SLC25A34: variants seen among roughly 807,000 people sequenced by gnomAD.
SLC25A34 encodes the protein solute carrier family 25, member 34.
In SLC25A34, 26 loss-of-function variants were observed where a neutral mutation model predicts 28.1. That is an observed-to-expected ratio of 0.93 (90% CI 0.68 to 1.28). The LOEUF is 1.28. SLC25A34 is among the 50% of genes most tolerant of loss of function. SLC25A34 has a pLI of 0.00. For missense variants in SLC25A34, 384 were observed against 409.8 expected, an observed-to-expected ratio of 0.94 and a Z score of 0.54; for synonymous variants, 182 against 182.2, an observed-to-expected ratio of 1.00 and a Z score of 0.01.
At chr1:15,737,643 T>C in intron 1 of SLC25A34, 1 of 461,468 alleles carries the variant, frequency 2.2e-6, no homozygotes, top group Non-Finnish European at 3.8e-6. Flanking sequence ...TGGCTGGTGC[T>C]GGAGGATCAT....
chr1:15,736,736 A>G lies in SLC25A34; in HGVS notation c.251A>G (p.Asn84Ser), dbSNP rs1451138122. Residue 84 changes from asparagine to serine, a missense_variant, in exon 1 of 5, where the codon AAT (asparagine) becomes AGT (serine). By Grantham distance (46) the Asn-to-Ser change is conservative. Transcript: ENST00000294454. ...AAGLLYQGLM[N>S]GVRFYCYSLA... Reference sequence around the variant, plus strand: ...GGCCTTCTGTACCAAGGCCTCATGAATGGCGTTCGTTTCTACTGCTACAGC... The same window carrying G: ...GGCCTTCTGTACCAAGGCCTCATGAGTGGCGTTCGTTTCTACTGCTACAGC... 6.2e-7 allele frequency: 1 copy of G among 1,609,392 alleles called. No individual in the cohort carries two copies. Among genetic ancestry groups the G allele is most frequent in the South Asian group, 1.1e-5 (1 of 90,960 alleles).
chr1:15,738,157 T>C lies in SLC25A34; in HGVS notation c.509T>C (p.Val170Ala). 1 of 1,607,662 alleles carries C rather than the reference T, an allele frequency of 6.2e-7. No individual in the cohort carries two copies. The highest frequency in any genetic ancestry group is 8.5e-7 in the Non-Finnish European group (1 of 1,176,420). ...GGGCTCTTGGGGCTGTGGCAGGGCG[T>C]TGGTGGGGCTGTGCCCCGAGTCATG... ...QQGLLGLWQG[V>A]GGAVPRVMVG... is the part of the protein sequence containing the mutation. Residue 170 changes from valine to alanine, a missense_variant, in exon 3 of 5, where the codon GTT (valine) becomes GCT (alanine). Val to Ala is a moderately conservative substitution (Grantham distance 64). Transcript: ENST00000294454.
chr1:15,736,985 G>A (rs2068231580), intron 1 of SLC25A34, 122 bp downstream of exon 1: 1 of 1,310,656 alleles, frequency 7.6e-7, no homozygotes, highest in Non-Finnish European at 1.0e-6. Context: ...CCGGGGTGGG[G>A]CTGCTCCCTG....
Position 15,738,079 on chromosome 1 carries a change from C to T in SLC25A34, c.445-14C>T. ...GGCAGGGGTGGCCAGTGACCCCGTG[C>T]CCTCTCCCCACAGACTGTCCTGGGT... On this transcript the variant is annotated splice_polypyrimidine_tract_variant and intron_variant, in intron 2 of 4. Coordinates refer to ENST00000294454, the MANE Select transcript of SLC25A34 (RefSeq NM_207348.3). 4 of 1,610,918 alleles carry T rather than the reference C, an allele frequency of 2.5e-6. No homozygotes were observed. Among genetic ancestry groups the T allele is most frequent in the Non-Finnish European group, 3.4e-6 (4 of 1,178,270 alleles).
In SLC25A34 at chr1:15,736,821, G is replaced by A. The variant is rs2068229788; in HGVS notation, c.336G>A (p.Val112=). The change falls in exon 1 of 5, where the codon GTG becomes GTA. Residue 112 remains valine (V), a synonymous_variant. Transcript: ENST00000294454. ...QPGGTVVAGA[V]AGALGAFVGS... is the part of the protein sequence containing the mutation. ...GTGGCACCGTGGTTGCGGGAGCCGT[G>A]GCGGGGGCACTGGGAGCCTTCGTGG... is the stretch of plus-strand genomic sequence containing the variant. 8.2e-6 allele frequency: 13 copies of A among 1,593,166 alleles called. No individual in the cohort carries two copies. The highest frequency in any genetic ancestry group is 1.1e-5 in the Non-Finnish European group (13 of 1,173,054).
intron 1 of SLC25A34, 169 bp downstream of exon 1, chr1:15,737,032 C>A: frequency 2.1e-6 from 2 of 969,620 alleles, no homozygotes; most frequent in Non-Finnish European, 2.9e-6. Context: ...TGCCCCTTGG[C>A]CCAGGGCCTT....
Position 15,737,789 on chromosome 1 carries a change from A to G in SLC25A34, c.379-140A>G, listed in dbSNP as rs964577426. The G allele has an allele frequency of 9.1e-6, 8 of 883,172 alleles. No homozygotes were observed. In the South Asian group the frequency reaches 9.8e-5, roughly 11 times the overall value. 54.7% of individuals were successfully genotyped at this position (883,172 alleles called of 1,614,324 possible). The stretch of plus-strand genomic sequence containing the variant: ...CAGAGCTGCACCTCAACCCTATTTC[A>G]CTTGACCCCTAAGCTTCAGGCTCGG... On this transcript the variant is annotated intron_variant, in intron 1 of 4. Transcript: ENST00000294454.
chr1:15,736,462 CAGA>C lies in SLC25A34; in HGVS notation c.-21_-19del. 1 of 1,429,718 alleles carries C rather than the reference CAGA, an allele frequency of 7.0e-7. No individual in the cohort carries two copies. Among genetic ancestry groups the C allele is most frequent in the South Asian group, 1.5e-5 (1 of 65,120 alleles). The allele number at this position is 1,429,718 out of a possible 1,614,324, so 88.6% of individuals were successfully genotyped here. A position where few individuals can be genotyped will look rare whatever the true frequency, so the allele number is the denominator to read the frequency against. On this transcript the variant is annotated 5_prime_UTR_variant, in exon 1 of 5. Coordinates refer to ENST00000294454, the MANE Select transcript of SLC25A34 (RefSeq NM_207348.3). ...CTGTGCCGTGCCCCTGACCCGGGCA[CAGA>C]AGGCCACTGGCCCGGAGGCCATGGA...
Position 15,739,772 on chromosome 1 carries a change from C to T in SLC25A34, c.*366C>T, listed in dbSNP as rs767182824. On this transcript the variant is annotated 3_prime_UTR_variant, in exon 5 of 5. Transcript: ENST00000294454. ...CTCAGACAGCAGCACGAGGCAGGCA[C>T]TTTTACTTCTTTTACCATTAGAAAG... The T allele has an allele frequency of 7.9e-5, 14 of 177,698 alleles. No individual in the cohort carries two copies. The highest frequency in any genetic ancestry group is 1.4e-4 in the Non-Finnish European group (12 of 85,480). The allele number at this position is 177,698 out of a possible 1,614,324, so 11.0% of individuals were successfully genotyped here.
chr1:15,739,049 G>T, intron 4 of SLC25A34, 175 bp from the exon 5 acceptor site: 1 of 800,950 alleles, frequency 1.2e-6, no homozygotes, highest in Middle Eastern at 3.4e-4. Context: ...GCCAGAACTG[G>T]AATTCAGGCC....
chr1:15,738,374 C>T (rs1036185476), intron 3 of SLC25A34, 129 bp downstream of exon 3: 14 of 1,357,168 alleles, frequency 1.0e-5, no homozygotes, highest in Admixed American at 8.6e-5. Context: ...CCCTCAGAGT[C>T]GTGACTCCGG....
intron 4 of SLC25A34, chr1:15,738,980 G>A (rs72882198): frequency 0.025 from 14,815 of 601,612 alleles, 1,552 homozygotes; most frequent in African/African-American, 0.24. Context: ...TGATGAGGAA[G>A]CTGAGGCTCA....
intron 1 of SLC25A34, among the ~76,000 whole-genome samples, chr1:15,737,569 C>CA (rs5772650): frequency 0.039 from 4,951 of 126,642 alleles, 224 homozygotes; most frequent in African/African-American, 0.11. Context: ...GACTCTGCCT[C>CA]AAAAAAAAAA....
rs138395199 is a variant in SLC25A34 at position 15,736,457 on chromosome 1, G to A, written c.-29G>A. 173 of 1,423,486 alleles carry A rather than the reference G, an allele frequency of 1.2e-4. 1 individual carries two copies. The highest frequency in any genetic ancestry group is 5.5e-4 in the African/African-American group (38 of 68,880). 88.2% of individuals were successfully genotyped at this position (1,423,486 alleles called of 1,614,324 possible). A position where few individuals can be genotyped will look rare whatever the true frequency, so the allele number is the denominator to read the frequency against. On this transcript the variant is annotated 5_prime_UTR_variant, in exon 1 of 5. Coordinates refer to ENST00000294454, the MANE Select transcript of SLC25A34 (RefSeq NM_207348.3). Reference sequence around the variant, plus strand: ...AGGGCCTGTGCCGTGCCCCTGACCCGGGCACAGAAGGCCACTGGCCCGGAG... The same window carrying A: ...AGGGCCTGTGCCGTGCCCCTGACCCAGGCACAGAAGGCCACTGGCCCGGAG...
intron 1 of SLC25A34, 60 bp from the exon 2 acceptor site, chr1:15,737,869 C>A (rs2068240250): frequency 1.9e-6 from 3 of 1,597,444 alleles, no homozygotes. Context: ...TCAACACACA[C>A]AGCTCACCCT....
chr1:15,738,383 G>A (rs1435494336), intron 3 of SLC25A34, 138 bp downstream of exon 3: 18 of 1,329,792 alleles, frequency 1.4e-5, no homozygotes, highest in Middle Eastern at 2.0e-4. Context: ...TCGTGACTCC[G>A]GCCCTTGGTA....
At chr1:15,739,129 G>A in intron 4 of SLC25A34, 95 bp from the exon 5 acceptor site, 2 of 1,452,722 alleles carry the variant, frequency 1.4e-6, no homozygotes, top group Non-Finnish European at 1.9e-6. Context: ...TGTCCATAGG[G>A]TGTGTGGGGG....
At chr1:15,737,847 G>A in intron 1 of SLC25A34, 82 bp from the exon 2 acceptor site, 1 of 1,510,782 alleles carries the variant, frequency 6.6e-7, no homozygotes, top group Non-Finnish European at 9.2e-7. Flanking sequence ...GGGGCACGGG[G>A]GCAGGGCGCC....
rs79757554 is a variant in SLC25A34 at position 15,741,215 on chromosome 1, C to T, written c.*1809C>T. On this transcript the variant is annotated 3_prime_UTR_variant, in exon 5 of 5. Coordinates refer to ENST00000294454, the MANE Select transcript of SLC25A34 (RefSeq NM_207348.3). The stretch of plus-strand genomic sequence containing the variant: ...CCATTCCCCGTGGGTGTGCTCTCAG[C>T]GCCGCACCGACCTTCACACTGCAGA... 0.03 allele frequency: 4,619 copies of T among 152,634 alleles called. 112 individuals are homozygous for T. The highest frequency in any genetic ancestry group is 0.057 in the Middle Eastern group (17 of 298). The allele number at this position is 152,634 out of a possible 1,614,324, so 9.5% of individuals were successfully genotyped here.
Sources: allele counts gnomAD v4.1 joint callset (sites outside exome capture counted in the v4.1 genomes callset), GRCh38; gene constraint gnomAD v4.1.1; transcripts MANE v1.5; gene names NCBI Gene and HGNC (gene_info 2026-07-23, HGNC 2026-07-21).